The following CSMD3 variants were observed in gnomAD, a reference collection of about 807,000 sequenced individuals.
The protein encoded by CSMD3 is CUB and Sushi multiple domains 3, also known as CUB and sushi domain-containing protein 3.
In CSMD3, 177 loss-of-function variants were observed where a neutral mutation model predicts 435.2. The ratio of observed to expected loss-of-function variants is 0.41; its 90% CI spans 0.36 to 0.46. The LOEUF (loss-of-function observed/expected upper bound fraction) is 0.46. Among genes scored for constraint, CSMD3 ranks in the 20% least tolerant of loss-of-function variants. The pLI, the probability that CSMD3 is intolerant of heterozygous loss-of-function variation, is 0.34. For synonymous variants in CSMD3, 1,656 were observed against 1,520.5 expected (o/e 1.09, Z -2.07); for missense variants, 4,265 against 4,504.6 (o/e 0.95, Z 1.52).
intron 20 of CSMD3, among the ~76,000 whole-genome samples, chr8:112,643,332 C>T (rs763870150): frequency 4.6e-5 from 7 of 152,070 alleles, no homozygotes; most frequent in African/African-American, 4.8e-5. Flanking sequence ...AAACACCATA[C>T]GGAGAAGCTA....
chr8:112,338,653 AT>A (rs1450747571), intron 42 of CSMD3, among the ~76,000 whole-genome samples: 1 of 152,176 alleles, frequency 6.6e-6, no homozygotes, highest in Non-Finnish European at 1.5e-5. Context: ...GTTTATTACA[AT>A]ATAACTCAAA....
At chr8:112,420,076 C>T (rs1812315713) in intron 32 of CSMD3, among the ~76,000 whole-genome samples, 1 of 151,986 alleles carries the variant, frequency 6.6e-6, no homozygotes, top group Admixed American at 6.6e-5. Flanking sequence ...TCTGCCAAAT[C>T]CCAATTAGGT....
intron 2 of CSMD3, chr8:113,311,451 T>C (rs1431827649): frequency 6.6e-6 from 1 of 151,774 alleles, no homozygotes; most frequent in Non-Finnish European, 1.5e-5. Context: ...GCAAGACAAG[T>C]GTAAGAAGCC....
intron 28 of CSMD3, among the ~76,000 whole-genome samples, chr8:112,511,833 CTAAGT>C (rs1453724937): frequency 6.6e-6 from 1 of 152,142 alleles, no homozygotes; most frequent in Non-Finnish European, 1.5e-5. Flanking sequence ...CTTTTATCAA[CTAAGT>C]TATGTAATAT....
chr8:112,948,340 T>C (rs557436712), intron 8 of CSMD3, among the ~76,000 whole-genome samples: 1 of 152,154 alleles, frequency 6.6e-6, no homozygotes, highest in East Asian at 1.9e-4. Flanking sequence ...ACTTCTTATC[T>C]GGTATATGAT....
intron 12 of CSMD3, among the ~76,000 whole-genome samples, chr8:112,828,862 T>G (rs948145404): frequency 6.6e-6 from 1 of 152,052 alleles, no homozygotes; most frequent in Non-Finnish European, 1.5e-5. Context: ...GTAAGTTTGG[T>G]TTTTGTTTTG....
chr8:113,148,498 A>C (rs2091730868), intron 4 of CSMD3, among the ~76,000 whole-genome samples: 1 of 151,784 alleles, frequency 6.6e-6, no homozygotes. Flanking sequence ...CTTATTCTAC[A>C]CTTCAGTAAG....
intron 46 of CSMD3, among the ~76,000 whole-genome samples, chr8:112,319,412 A>G (rs932953850): frequency 5.3e-5 from 8 of 152,076 alleles, no homozygotes; most frequent in Admixed American, 1.3e-4. Flanking sequence ...TTTTTTTTCA[A>G]ACTGTGTGGC....
At chr8:112,734,335 A>C (rs2077139533) in intron 13 of CSMD3, among the ~76,000 whole-genome samples, 1 of 151,850 alleles carries the variant, frequency 6.6e-6, no homozygotes, top group African/African-American at 2.4e-5. Context: ...TAACAGATGA[A>C]GGAAAGAAGA....
chr8:112,383,735 C>T (rs528974109), intron 36 of CSMD3, 72 bp from the exon 37 acceptor site: 2 of 950,834 alleles, frequency 2.1e-6, no homozygotes, highest in East Asian at 2.4e-5. Context: ...CCACCAATCC[C>T]CCTTGGAAAA....
At chr8:112,436,601 A>T (rs1814378525) in intron 32 of CSMD3, among the ~76,000 whole-genome samples, 1 of 151,836 alleles carries the variant, frequency 6.6e-6, no homozygotes, top group African/African-American at 2.4e-5. Flanking sequence ...TATACAAAAA[A>T]GTGTATGCAT....
chr8:112,354,226 C>T (rs780924771), intron 38 of CSMD3, among the ~76,000 whole-genome samples: 5 of 151,934 alleles, frequency 3.3e-5, no homozygotes, highest in Non-Finnish European at 7.4e-5. Context: ...TATGACAAAC[C>T]CACAGACAAT....
chr8:112,231,641 A>G lies in CSMD3; in HGVS notation c.10741-9T>C. 6.5e-7 allele frequency: 1 copy of G among 1,539,350 alleles called. No homozygotes were observed. Among genetic ancestry groups the G allele is most frequent in the Non-Finnish European group, 9.0e-7 (1 of 1,112,172 alleles). ...TCAGGCTCAGCAGAAACCTAAAAATATTTAAACAGCCAAATATACTTGAAT... is the reference window on the plus strand; with the variant it reads ...TCAGGCTCAGCAGAAACCTAAAAATGTTTAAACAGCCAAATATACTTGAAT... On this transcript the variant is annotated splice_polypyrimidine_tract_variant and intron_variant, in intron 68 of 70. Coordinates refer to ENST00000297405, the MANE Select transcript of CSMD3 (RefSeq NM_198123.2).
At chr8:113,192,432 C>G (rs904351454) in intron 3 of CSMD3, among the ~76,000 whole-genome samples, 2 of 151,482 alleles carry the variant, frequency 1.3e-5, no homozygotes, top group Admixed American at 6.6e-5. Context: ...TATGGAAATT[C>G]TTGTCCTCTG....
At chr8:113,233,780 T>C (rs2093117388) in intron 3 of CSMD3, among the ~76,000 whole-genome samples, 1 of 152,070 alleles carries the variant, frequency 6.6e-6, no homozygotes, top group African/African-American at 2.4e-5. Flanking sequence ...ATGTATATTA[T>C]AAGGCAATAA....
intron 5 of CSMD3, among the ~76,000 whole-genome samples, chr8:113,090,764 T>A (rs2131508452): frequency 6.6e-6 from 1 of 152,234 alleles, no homozygotes; most frequent in East Asian, 1.9e-4. Context: ...AGCTTATAAT[T>A]GTTTCTCTTA....
At chr8:112,603,482 A>G (rs1450560139) in intron 22 of CSMD3, among the ~76,000 whole-genome samples, 1 of 152,176 alleles carries the variant, frequency 6.6e-6, no homozygotes, top group Non-Finnish European at 1.5e-5. Context: ...TACAGTATGT[A>G]CTGTAGTTAA....
Position 112,300,547 on chromosome 8 carries a change from C to T in CSMD3, c.8440+1246G>A, listed in dbSNP as rs565674585. 1.4e-4 allele frequency among the ~76,000 whole-genome samples: 21 copies of T among 152,012 alleles called. 1 individual carries two copies. The South Asian group carries it at 4.3e-3, about 31-fold the overall frequency. On this transcript the variant is annotated intron_variant, in intron 53 of 70. Transcript: ENST00000297405. ...ATGCCCAACCTTATCCAATGGGAGA[C>T]ATCATGACTCCTATCCTCACCACTC...
chr8:112,910,051 A>G (rs2082364676), intron 10 of CSMD3, among the ~76,000 whole-genome samples: 1 of 151,786 alleles, frequency 6.6e-6, no homozygotes, highest in South Asian at 2.1e-4. Context: ...CTAAGAAAAC[A>G]GAGTGTCATT....
Sources: gnomAD v4.1 joint callset for allele counts (sites outside exome capture counted in the v4.1 genomes callset) on GRCh38, gnomAD v4.1.1 for gene constraint, MANE v1.5 for transcripts, NCBI Gene and HGNC (gene_info 2026-07-23, HGNC 2026-07-21) for gene names.